IL23R: variants seen among roughly 807,000 people sequenced by gnomAD.
IL23R encodes the protein interleukin-23 receptor.
IL23R carries 34 observed loss-of-function variants against 56.9 expected under a neutral mutation model. That is an observed-to-expected ratio of 0.60 (90% CI 0.45 to 0.80). The LOEUF (loss-of-function observed/expected upper bound fraction) is 0.80, where lower values mean the gene tolerates loss of function less well. IL23R is among the 30% of genes least tolerant of loss of function. The probability of loss-of-function intolerance (pLI) is 0.00; values close to 1 mark genes in which losing one functional copy is unlikely to be tolerated. For missense variants in IL23R, 635 were observed against 730.0 expected (o/e 0.87, Z 1.50); for synonymous variants, 230 against 249.2 (o/e 0.92, Z 0.73).
At chr1:67,256,404 A>T (rs537026333) in intron 10 of IL23R, among the ~76,000 whole-genome samples, 2 of 152,336 alleles carry the variant, frequency 1.3e-5, no homozygotes, top group Admixed American at 1.3e-4. Context: ...TGTGAACAAT[A>T]GTGTCACAGG....
intron 4 of IL23R, among the ~76,000 whole-genome samples, chr1:67,183,321 G>C (rs997561100): frequency 3.9e-5 from 6 of 152,190 alleles, no homozygotes; most frequent in African/African-American, 1.4e-4. Flanking sequence ...AATAACCTGA[G>C]GTCAGGAGTT....
intron 6 of IL23R, among the ~76,000 whole-genome samples, chr1:67,209,636 C>T (rs558061177): frequency 6.6e-6 from 1 of 152,272 alleles, no homozygotes; most frequent in Admixed American, 6.5e-5. Flanking sequence ...CCAATTAAAC[C>T]TCTTTTTCTT....
intron 5 of IL23R, among the ~76,000 whole-genome samples, chr1:67,204,663 G>A (rs1203857278): frequency 1.3e-5 from 2 of 152,134 alleles, no homozygotes; most frequent in African/African-American, 4.8e-5. Context: ...GGAGGTGGGT[G>A]ACAGGAGGAG....
At chr1:67,167,824 G>A (rs918373413) in intron 1 of IL23R, among the ~76,000 whole-genome samples, 1 of 152,200 alleles carries the variant, frequency 6.6e-6, no homozygotes, top group African/African-American at 2.4e-5. Flanking sequence ...TGGATCAAAT[G>A]CCCTACTGAG....
chr1:67,223,253 C>CTAAA (rs59383640), intron 7 of IL23R, among the ~76,000 whole-genome samples: 20,369 of 151,198 alleles, frequency 0.13, 1,790 homozygotes, highest in Non-Finnish European at 0.21. Flanking sequence ...GACTCTGTCT[C>CTAAA]TAAATAAATA....
exon 1 of IL23R, chr1:67,138,917 C>CA (rs988714317): frequency 5.3e-5 from 8 of 152,330 alleles, no homozygotes; most frequent in Admixed American, 3.9e-4. Context: ...AATGGGAGGC[C>CA]AGTCAGGGCC....
chr1:67,221,606 T>C (rs2100238418), intron 7 of IL23R, among the ~76,000 whole-genome samples: 1 of 152,328 alleles, frequency 6.6e-6, no homozygotes, highest in Non-Finnish European at 1.5e-5. Flanking sequence ...GTAATTGTAA[T>C]AATACTCCTA....
intron 6 of IL23R, among the ~76,000 whole-genome samples, chr1:67,215,700 G>A (rs1275898629): frequency 1.3e-5 from 2 of 152,202 alleles, no homozygotes; most frequent in African/African-American, 4.8e-5. Context: ...ACCAGTTCGT[G>A]TGAGGAGAGG....
intron 3 of IL23R, among the ~76,000 whole-genome samples, chr1:67,179,884 G>C (rs5950521): frequency 6.6e-6 from 1 of 152,120 alleles, no homozygotes; most frequent in Non-Finnish European, 1.5e-5. Context: ...GTACCTAGTA[G>C]TCATTCAGGA....
intron 6 of IL23R, among the ~76,000 whole-genome samples, chr1:67,215,138 T>G (rs1191341276): frequency 6.6e-6 from 1 of 152,144 alleles, no homozygotes; most frequent in Non-Finnish European, 1.5e-5. Flanking sequence ...TTTAAGGCGG[T>G]AGATTGCCGA....
chr1:67,240,433 C>T (rs1651773246), intron 9 of IL23R, 152 bp downstream of exon 9: 2 of 650,440 alleles, frequency 3.1e-6, no homozygotes, highest in Non-Finnish European at 2.7e-6. Flanking sequence ...TAAGTACTTA[C>T]CCATGCCAAA....
downstream of IL23R, among the ~76,000 whole-genome samples, chr1:67,263,808 G>A (rs1005455115): frequency 2.0e-5 from 3 of 150,880 alleles, no homozygotes; most frequent in Admixed American, 6.6e-5. Flanking sequence ...AGGTTGCAGT[G>A]AGCCAAGATT....
chr1:67,220,456 C>T (rs760303291), intron 7 of IL23R, among the ~76,000 whole-genome samples: 4 of 151,830 alleles, frequency 2.6e-5, no homozygotes, highest in Non-Finnish European at 5.9e-5. Context: ...TTACCTTTGA[C>T]CAAAATTGAC....
chr1:67,195,430 TAAC>T (rs1195544835), intron 4 of IL23R, among the ~76,000 whole-genome samples: 1 of 152,218 alleles, frequency 6.6e-6, no homozygotes, highest in Non-Finnish European at 1.5e-5. Flanking sequence ...TTACTCATGA[TAAC>T]AACAACGTTA....
chr1:67,141,989 GAAC>G (rs1466056389), intron 1 of IL23R, among the ~76,000 whole-genome samples: 1 of 152,090 alleles, frequency 6.6e-6, no homozygotes, highest in African/African-American at 2.4e-5. Context: ...ACTTTTTAAG[GAAC>G]AACATGTTTT....
intron 7 of IL23R, among the ~76,000 whole-genome samples, chr1:67,220,433 ATTTT>A (rs201519473): frequency 1.3e-5 from 2 of 151,878 alleles, no homozygotes; most frequent in Non-Finnish European, 2.9e-5. Context: ...GCTACAAGAT[ATTTT>A]TTTTCTCTTT....
rs765086515 is a variant in IL23R at position 67,168,179 on chromosome 1, G to A, written c.59G>A (p.Trp20Ter). ...ATAGCCCTTTACATACTCTTCAGCT[G>A]GTGTCATGGAGGTATGGTGTTTTAT... Reference protein sequence around the residue: ...AVIALYILFSWCHGGITNINC... With the variant: ...AVIALYILFS The change falls in exon 2 of 11, where the codon TGG (tryptophan) becomes TAG (stop). Residue 20 changes from tryptophan (W) to a stop codon, truncating the protein, a stop_gained. Coordinates refer to ENST00000347310, the MANE Select transcript of IL23R (RefSeq NM_144701.3). LOFTEE classifies it high-confidence loss of function. 1.9e-6 allele frequency: 3 copies of A among 1,607,296 alleles called. No individual in the cohort carries two copies. The African/African-American group carries it at 4.0e-5, about 22-fold the overall frequency.
intron 9 of IL23R, among the ~76,000 whole-genome samples, chr1:67,242,916 G>A (rs1651944184): frequency 6.6e-6 from 1 of 152,136 alleles, no homozygotes; most frequent in Non-Finnish European, 1.5e-5. Flanking sequence ...GTCCAATCAG[G>A]TAGCCAAATG....
At chr1:67,171,173 T>C (rs1270041789) in intron 3 of IL23R, among the ~76,000 whole-genome samples, 1 of 152,120 alleles carries the variant, frequency 6.6e-6, no homozygotes, top group Non-Finnish European at 1.5e-5. Context: ...AGAGAGACTA[T>C]ACAATTTCTT....
Sources: gnomAD v4.1 joint callset for allele counts (sites outside exome capture counted in the v4.1 genomes callset) on GRCh38, gnomAD v4.1.1 for gene constraint, MANE v1.5 for transcripts, NCBI Gene and HGNC (gene_info 2026-07-23, HGNC 2026-07-21) for gene names.